HTR3B: variants seen among roughly 807,000 people sequenced by gnomAD.
HTR3B encodes the protein 5-hydroxytryptamine (serotonin) receptor 3B, ionotropic.
In HTR3B, 44 loss-of-function variants were observed where a neutral mutation model predicts 42.8. The ratio of observed to expected loss-of-function variants is 1.03; its 90% CI spans 0.81 to 1.32. The LOEUF is 1.32. Among genes scored for constraint, HTR3B ranks in the 40% most tolerant of loss-of-function variants. The probability of loss-of-function intolerance (pLI) is 0.00; values close to 1 mark genes in which losing one functional copy is unlikely to be tolerated. For synonymous variants in HTR3B, 203 were observed against 209.0 expected (o/e 0.97, Z 0.25); for missense variants, 527 against 536.5 (o/e 0.98, Z 0.17).
At chr11:113,913,802 C>A (rs991683606) in intron 2 of HTR3B, among the ~76,000 whole-genome samples, 1 of 152,182 alleles carries the variant, frequency 6.6e-6, no homozygotes, top group Non-Finnish European at 1.5e-5. Context: ...GAGTGAGCCA[C>A]CACGCCCGGC....
chr11:113,924,887 G>C (rs970491558), intron 2 of HTR3B, among the ~76,000 whole-genome samples: 4 of 152,100 alleles, frequency 2.6e-5, no homozygotes, highest in Non-Finnish European at 4.4e-5. Context: ...CTCAGACCAG[G>C]CTTTGTTGAA....
chr11:113,932,298 T>C lies in HTR3B; in HGVS notation c.378T>C (p.Ile126=). Residue 126 remains isoleucine, a synonymous_variant, in exon 5 of 9, where the codon ATT becomes ATC. Transcript: ENST00000260191. ...PDIIINEFVD[I]ERYPDLPYVY... is the part of the protein sequence containing the mutation. ...CTTGTGTTTCATATAGTGTGGACATTGAAAGATACCCTGACCTTCCCTATG... is the reference window on the plus strand; with the variant it reads ...CTTGTGTTTCATATAGTGTGGACATCGAAAGATACCCTGACCTTCCCTATG... 6.2e-7 allele frequency: 1 copy of C among 1,612,024 alleles called. No individual in the cohort carries two copies. The highest frequency in any genetic ancestry group is 8.5e-7 in the Non-Finnish European group (1 of 1,178,576).
Position 113,946,248 on chromosome 11 carries a change from C to G in HTR3B, c.*111C>G. 9.8e-6 allele frequency: 8 copies of G among 814,056 alleles called. No individual in the cohort carries two copies. The highest frequency in any genetic ancestry group is 1.6e-5 in the Non-Finnish European group (8 of 501,336). The allele number at this position is 814,056 out of a possible 1,614,324, so 50.4% of individuals were successfully genotyped here. ...GGGTGTGGTGGTTCTTGCCTATAGTCCCAGTGCTTTGGGAGGCCATAGCAG... is the reference window on the plus strand; with the variant it reads ...GGGTGTGGTGGTTCTTGCCTATAGTGCCAGTGCTTTGGGAGGCCATAGCAG... On this transcript the variant is annotated 3_prime_UTR_variant, in exon 9 of 9. Transcript: ENST00000260191.
intron 2 of HTR3B, among the ~76,000 whole-genome samples, chr11:113,922,464 C>T (rs923928217): frequency 2.0e-5 from 3 of 151,992 alleles, no homozygotes; most frequent in Admixed American, 1.3e-4. Flanking sequence ...GAACTCCTGG[C>T]CTCAAGTGAT....
chr11:113,937,338 C>T (rs1249821888), intron 6 of HTR3B, among the ~76,000 whole-genome samples: 1 of 152,216 alleles, frequency 6.6e-6, no homozygotes, highest in African/African-American at 2.4e-5. Flanking sequence ...AGTAGTGCTA[C>T]TACCAGACTC....
At chr11:113,940,432 T>C (rs1302904755) in intron 6 of HTR3B, among the ~76,000 whole-genome samples, 2 of 152,186 alleles carry the variant, frequency 1.3e-5, no homozygotes, top group Admixed American at 6.5e-5. Flanking sequence ...GATTCCCTTT[T>C]TCCTGCCCCC....
intron 8 of HTR3B, 147 bp from the exon 9 acceptor site, chr11:113,945,755 T>C (rs1950171710): frequency 1.6e-6 from 1 of 634,814 alleles, no homozygotes; most frequent in South Asian, 1.8e-5. Flanking sequence ...CCTAATCGGG[T>C]GGGGAGAGTA....
chr11:113,900,596 C>T (rs536584370), upstream of HTR3B, among the ~76,000 whole-genome samples: 14 of 152,210 alleles, frequency 9.2e-5, no homozygotes, highest in East Asian at 3.9e-4. Flanking sequence ...TGGGTTCAAG[C>T]GATTCTCCTT....
chr11:113,936,225 GA>G (rs1363466966), intron 6 of HTR3B, among the ~76,000 whole-genome samples: 1 of 152,084 alleles, frequency 6.6e-6, no homozygotes, highest in African/African-American at 2.4e-5. Flanking sequence ...AATGAGGGTA[GA>G]AGTGGGAGGA....
chr11:113,928,625 C>T (rs1950000084), intron 2 of HTR3B, among the ~76,000 whole-genome samples: 1 of 152,154 alleles, frequency 6.6e-6, no homozygotes, highest in Non-Finnish European at 1.5e-5. Flanking sequence ...GCAACCTCCA[C>T]CCCTGGGATC....
At chr11:113,923,183 A>G (rs1949933107) in intron 2 of HTR3B, among the ~76,000 whole-genome samples, 1 of 152,182 alleles carries the variant, frequency 6.6e-6, no homozygotes, top group African/African-American at 2.4e-5. Context: ...AAAATCACTC[A>G]CAGATTCTGC....
upstream of HTR3B, chr11:113,904,746 A>G: frequency 1.8e-6 from 1 of 544,988 alleles, no homozygotes; most frequent in Non-Finnish European, 3.3e-6. Flanking sequence ...ATTCCAAAAC[A>G]TTTGCATGGT....
chr11:113,915,393 A>G (rs1028189709), intron 2 of HTR3B, among the ~76,000 whole-genome samples: 1 of 152,204 alleles, frequency 6.6e-6, no homozygotes, highest in Non-Finnish European at 1.5e-5. Context: ...TCTGGGACCC[A>G]TAATCTGATT....
chr11:113,947,846 A>T lies in HTR3B; in HGVS notation c.*1709A>T, dbSNP rs1173930408. On this transcript the variant is annotated 3_prime_UTR_variant, in exon 9 of 9. Coordinates refer to ENST00000260191, the MANE Select transcript of HTR3B (RefSeq NM_006028.5). ...GATTCCGGAGGTTTAGCAAGTCCAG[A>T]TTCTGCAGAGTAGGCTGGCAGGCTG... 6.6e-6 allele frequency among the ~76,000 whole-genome samples: 1 copy of T among 152,154 alleles called. No individual in the cohort carries two copies. Among genetic ancestry groups the T allele is most frequent in the African/African-American group, 2.4e-5 (1 of 41,442 alleles).
At chr11:113,941,957 C>A (rs1043677086) in intron 6 of HTR3B, among the ~76,000 whole-genome samples, 1 of 152,198 alleles carries the variant, frequency 6.6e-6, no homozygotes, top group East Asian at 1.9e-4. Flanking sequence ...CAGATAGTCT[C>A]ATTTTTGAGC....
chr11:113,926,294 T>C (rs917315816), intron 2 of HTR3B, among the ~76,000 whole-genome samples: 6 of 152,232 alleles, frequency 3.9e-5, no homozygotes, highest in African/African-American at 1.4e-4. Context: ...GGTTTCACTT[T>C]TTAACTATCA....
In HTR3B at chr11:113,909,512, G is replaced by T. The variant is rs900810627; in HGVS notation, c.213+57G>T. On this transcript the variant is annotated intron_variant, in intron 2 of 8. Transcript: ENST00000260191. ...TTAACGTCTTTTGAAACAGTCTGCA[G>T]TTCATGCAGGAGCCTATGAGAGGTT... 5.0e-6 allele frequency: 7 copies of T among 1,407,948 alleles called. No individual in the cohort carries two copies. In the African/African-American group the frequency reaches 8.6e-5, roughly 17 times the overall value. The allele number at this position is 1,407,948 out of a possible 1,614,324, so 87.2% of individuals were successfully genotyped here.
At position 113,932,466 on chromosome 11, in the gene HTR3B, A is replaced by G. The variant is rs533052492; in HGVS notation, c.538+8A>G. 1.9e-5 allele frequency: 30 copies of G among 1,608,428 alleles called. No homozygotes were observed. In the African/African-American group the frequency reaches 2.7e-4, roughly 14 times the overall value. ...AGAGCATTCTGCATACAGGTAAACC[A>G]TGAGAGATACCCATTAATGCTAGGT... On this transcript the variant is annotated splice_region_variant and intron_variant, in intron 5 of 8. Coordinates refer to ENST00000260191, the MANE Select transcript of HTR3B (RefSeq NM_006028.5).
chr11:113,943,903 G>A (rs11606288), intron 7 of HTR3B, among the ~76,000 whole-genome samples: 98,055 of 151,596 alleles, frequency 0.65, 32,406 homozygotes, highest in African/African-American at 0.78. Context: ...GAAAAAAACA[G>A]AAGAGCAAGC....
Sources: allele counts gnomAD v4.1 joint callset (sites outside exome capture counted in the v4.1 genomes callset), GRCh38; gene constraint gnomAD v4.1.1; transcripts MANE v1.5; gene names NCBI Gene and HGNC (gene_info 2026-07-23, HGNC 2026-07-21).